The following AQP9 variants were observed in gnomAD, a reference collection of about 807,000 sequenced individuals.
AQP9 encodes aquaporin-9.
In AQP9, 19 loss-of-function variants were observed where a neutral mutation model predicts 23.8. That is an observed-to-expected ratio of 0.80 (90% CI 0.56 to 1.17). The LOEUF (loss-of-function observed/expected upper bound fraction) is 1.17, where lower values mean the gene tolerates loss of function less well. AQP9 is among the 50% of genes most tolerant of loss of function. AQP9 has a pLI of 0.00. For missense variants in AQP9, 413 were observed against 362.0 expected, an observed-to-expected ratio of 1.14 and a Z score of -1.14; for synonymous variants, 153 against 131.5, an observed-to-expected ratio of 1.16 and a Z score of -1.12.
chr15:58,179,122 C>G lies in AQP9; in HGVS notation c.496-6C>G. 2 of 1,598,774 alleles carry G rather than the reference C, an allele frequency of 1.3e-6. No homozygotes were observed. Among genetic ancestry groups the G allele is most frequent in the Middle Eastern group, 1.7e-4 (1 of 6,020 alleles). On this transcript the variant is annotated splice_polypyrimidine_tract_variant and splice_region_variant and intron_variant, in intron 4 of 5. Coordinates refer to ENST00000219919, the MANE Select transcript of AQP9 (RefSeq NM_020980.5). ...TAAAGCCCTGGCTCAACTTCTCCCT[C>G]TCCAGGTGGTGGCCACCATGATACT...
Position 58,183,983 on chromosome 15 carries a change from A to AG in AQP9, c.736_737insG (p.Ile246SerfsTer22), listed in dbSNP as rs1182836731. ...CAGAGCTGGAAACAACTTCTGGTGG[A>AG]TTCCTGTAGTGGGCCCTTTGGTTGG... On this transcript the variant is annotated frameshift_variant, in exon 6 of 6. Coordinates refer to ENST00000219919, the MANE Select transcript of AQP9 (RefSeq NM_020980.5). LOFTEE classifies it low-confidence loss of function (END_TRUNC). 5.0e-6 allele frequency: 8 copies of AG among 1,613,810 alleles called. No homozygotes were observed. In the Admixed American group the frequency reaches 5.0e-5, roughly 10 times the overall value.
intron 1 of AQP9, among the ~76,000 whole-genome samples, chr15:58,141,087 G>A (rs1017868095): frequency 6.6e-6 from 1 of 152,212 alleles, no homozygotes; most frequent in African/African-American, 2.4e-5. Context: ...TAGTCATTGG[G>A]ATACGTAGGC....
intron 1 of AQP9, among the ~76,000 whole-genome samples, chr15:58,147,710 A>C (rs1336272580): frequency 6.6e-6 from 1 of 152,070 alleles, no homozygotes; most frequent in Non-Finnish European, 1.5e-5. Flanking sequence ...ACCTCCCGAA[A>C]ACCCTATGCT....
In AQP9 at chr15:58,173,212, A is replaced by G. The variant is rs764880957; in HGVS notation, c.376+7A>G. The G allele has an allele frequency of 1.9e-6, 3 of 1,613,978 alleles. No individual in the cohort carries two copies. The highest frequency in any genetic ancestry group is 2.7e-5 in the African/African-American group (2 of 74,932). On this transcript the variant is annotated splice_region_variant and intron_variant, in intron 3 of 5. Coordinates refer to ENST00000219919, the MANE Select transcript of AQP9 (RefSeq NM_020980.5). ...GTCTTTGGCATTTACTATGGTGAGT[A>G]AAGTCCCTGAGTCCTAAGGTTAGGA...
At chr15:58,140,211 T>C (rs1897928520) in intron 1 of AQP9, among the ~76,000 whole-genome samples, 1 of 152,054 alleles carries the variant, frequency 6.6e-6, no homozygotes, top group Non-Finnish European at 1.5e-5. Flanking sequence ...TTTTTTTTTT[T>C]TTTGCAACCA....
chr15:58,155,666 C>CTCCTCT (rs1226733223), intron 1 of AQP9: 2 of 152,078 alleles, frequency 1.3e-5, no homozygotes, highest in Non-Finnish European at 2.9e-5. Context: ...AATTCTCCTC[C>CTCCTCT]TCCTCTTCCT....
At chr15:58,152,886 T>G (rs537291350) in intron 1 of AQP9, 2 of 152,310 alleles carry the variant, frequency 1.3e-5, no homozygotes, top group East Asian at 3.9e-4. Context: ...GCACTATTTG[T>G]TACCTGATCT....
chr15:58,157,347 A>C (rs1898284921), intron 1 of AQP9, among the ~76,000 whole-genome samples: 1 of 152,222 alleles, frequency 6.6e-6, no homozygotes, highest in African/African-American at 2.4e-5. Flanking sequence ...TCTTTGAAAG[A>C]ACAATAATGA....
chr15:58,151,051 AATATT>A (rs1898139250), intron 1 of AQP9: 1 of 152,190 alleles, frequency 6.6e-6, no homozygotes, highest in African/African-American at 2.4e-5. Context: ...TATTTATATC[AATATT>A]ATATTAACAT....
intron 1 of AQP9, chr15:58,152,869 C>T (rs568158191): frequency 1.3e-5 from 2 of 152,140 alleles, no homozygotes; most frequent in Non-Finnish European, 2.9e-5. Flanking sequence ...CAATATTTAT[C>T]CCAGTGGCAC....
intron 5 of AQP9, among the ~76,000 whole-genome samples, chr15:58,181,637 G>C (rs1796900029): frequency 1.3e-5 from 2 of 152,182 alleles, no homozygotes; most frequent in African/African-American, 4.8e-5. Flanking sequence ...TCAGATCATA[G>C]AGGACCTGGA....
At chr15:58,158,838 G>A (rs1354894208) in intron 1 of AQP9, among the ~76,000 whole-genome samples, 1 of 152,130 alleles carries the variant, frequency 6.6e-6, no homozygotes, top group African/African-American at 2.4e-5. Flanking sequence ...GTAATTCTAA[G>A]GTTCCCTGGT....
chr15:58,170,737 G>A (rs562427948), intron 2 of AQP9, among the ~76,000 whole-genome samples: 8 of 152,232 alleles, frequency 5.3e-5, no homozygotes, highest in African/African-American at 1.9e-4. Context: ...TACCTACTAA[G>A]TGCCTTGCAT....
chr15:58,147,800 C>T (rs1341165661), intron 1 of AQP9, among the ~76,000 whole-genome samples: 5 of 152,246 alleles, frequency 3.3e-5, no homozygotes, highest in Non-Finnish European at 4.4e-5. Context: ...AGAAGGTTTA[C>T]ATGCTAATAC....
chr15:58,163,492 T>C (rs1326064155), intron 1 of AQP9, among the ~76,000 whole-genome samples: 1 of 152,146 alleles, frequency 6.6e-6, no homozygotes, highest in Non-Finnish European at 1.5e-5. Flanking sequence ...TTCTAGATAA[T>C]GAAATCAAGA....
chr15:58,167,779 A>G (rs752851330), intron 2 of AQP9, among the ~76,000 whole-genome samples: 3 of 151,890 alleles, frequency 2.0e-5, no homozygotes, highest in Non-Finnish European at 4.4e-5. Flanking sequence ...CTGGAGCACA[A>G]TGGCACGATC....
At chr15:58,179,437 G>T in intron 5 of AQP9, 92 bp downstream of exon 5, 1 of 1,192,840 alleles carries the variant, frequency 8.4e-7, no homozygotes, top group Non-Finnish European at 1.2e-6. Flanking sequence ...GGGAAGTTCA[G>T]ATGACAGCGC....
At chr15:58,169,424 C>T (rs773209573) in intron 2 of AQP9, among the ~76,000 whole-genome samples, 17 of 152,206 alleles carry the variant, frequency 1.1e-4, no homozygotes, top group Admixed American at 2.0e-4. Flanking sequence ...TGCAGCACAA[C>T]ACACTGGCCC....
At chr15:58,165,705 G>A (rs1898485675) in intron 1 of AQP9, among the ~76,000 whole-genome samples, 1 of 151,906 alleles carries the variant, frequency 6.6e-6, no homozygotes, top group Non-Finnish European at 1.5e-5. Context: ...GCAGTCTACT[G>A]ACTGGATGTA....
Sources: allele counts gnomAD v4.1 joint callset (sites outside exome capture counted in the v4.1 genomes callset), GRCh38; gene constraint gnomAD v4.1.1; transcripts MANE v1.5; gene names NCBI Gene and HGNC (gene_info 2026-07-23, HGNC 2026-07-21).